The following HPSE2 variants were observed in gnomAD, a reference collection of about 807,000 sequenced individuals.
HPSE2 encodes heparanase 2 (inactive).
Under a neutral mutation model 60.5 loss-of-function variants are expected in HPSE2, and 38 were observed. The observed-to-expected ratio is 0.63, with a 90% CI of 0.48 to 0.82. The LOEUF (loss-of-function observed/expected upper bound fraction) is 0.82. Among genes scored for constraint, HPSE2 ranks in the 40% least tolerant of loss-of-function variants. The pLI, the probability that HPSE2 is intolerant of heterozygous loss-of-function variation, is 0.00. For missense variants in HPSE2, 713 were observed against 740.4 expected, an observed-to-expected ratio of 0.96 and a Z score of 0.43; for synonymous variants, 295 against 293.2, an observed-to-expected ratio of 1.01 and a Z score of -0.06.
At chr10:98,736,549 G>A (rs892688009) in intron 4 of HPSE2, among the ~76,000 whole-genome samples, 2 of 152,058 alleles carry the variant, frequency 1.3e-5, no homozygotes, top group African/African-American at 2.4e-5. Flanking sequence ...ATTAACTTAA[G>A]TGCTTAAAAA....
intron 3 of HPSE2, among the ~76,000 whole-genome samples, chr10:98,841,646 G>A (rs1951914804): frequency 6.6e-6 from 1 of 152,094 alleles, no homozygotes; most frequent in African/African-American, 2.4e-5. Context: ...AAAAGGGGCA[G>A]CAATCACTTC....
chr10:98,514,991 T>C (rs373003251), intron 9 of HPSE2, among the ~76,000 whole-genome samples: 3 of 152,256 alleles, frequency 2.0e-5, no homozygotes, highest in South Asian at 2.1e-4. Flanking sequence ...CCCAAAGTGC[T>C]GGGATTACAG....
the HPSE2 span, among the ~76,000 whole-genome samples, chr10:99,241,189 G>A: frequency 6.6e-6 from 1 of 152,318 alleles, no homozygotes; most frequent in Non-Finnish European, 1.5e-5. Context: ...CTAGGTTTGT[G>A]TTCTTAGTCA....
At chr10:98,589,338 C>G (rs1945023988) in intron 9 of HPSE2, among the ~76,000 whole-genome samples, 1 of 152,192 alleles carries the variant, frequency 6.6e-6, no homozygotes, top group Admixed American at 6.5e-5. Flanking sequence ...CCATGTCCCA[C>G]CTATCTGTGG....
At chr10:98,711,031 A>G (rs11189765) in intron 5 of HPSE2, among the ~76,000 whole-genome samples, 30,548 of 152,030 alleles carry the variant, frequency 0.2, 3,434 homozygotes, top group East Asian at 0.38. Flanking sequence ...ACATATAGGA[A>G]GACCAAATAG....
chr10:99,064,983 T>A (rs566404469), intron 3 of HPSE2, among the ~76,000 whole-genome samples: 1 of 152,280 alleles, frequency 6.6e-6, no homozygotes, highest in East Asian at 1.9e-4. Flanking sequence ...TAAAGCTTAT[T>A]ACAGACATTA....
At chr10:99,034,347 G>C (rs1377281393) in intron 3 of HPSE2, among the ~76,000 whole-genome samples, 1 of 152,124 alleles carries the variant, frequency 6.6e-6, no homozygotes, top group Non-Finnish European at 1.5e-5. Flanking sequence ...ATGGGTTGGA[G>C]TGAAGGAAAG....
At chr10:98,659,239 T>C (rs551880141) in intron 6 of HPSE2, among the ~76,000 whole-genome samples, 1 of 152,288 alleles carries the variant, frequency 6.6e-6, no homozygotes, top group South Asian at 2.1e-4. Flanking sequence ...AATCCACACA[T>C]AGTCAGGTCT....
chr10:98,697,706 T>A (rs1319849241), intron 5 of HPSE2, among the ~76,000 whole-genome samples: 1 of 151,930 alleles, frequency 6.6e-6, no homozygotes, highest in African/African-American at 2.4e-5. Flanking sequence ...CACGTAATGA[T>A]CAGATTCCTC....
intron 5 of HPSE2, among the ~76,000 whole-genome samples, chr10:98,696,539 A>G (rs2134177518): frequency 6.6e-6 from 1 of 152,284 alleles, no homozygotes; most frequent in African/African-American, 2.4e-5. Flanking sequence ...TTTCCATGGA[A>G]CTGTGTAAAC....
chr10:98,711,366 G>T lies in HPSE2; in HGVS notation c.956+10291C>A, dbSNP rs533544576. Among the ~76,000 whole-genome samples the T allele has an allele frequency of 8.0e-4, 122 of 152,264 alleles. 3 individuals are homozygous for T. The South Asian group carries it at 0.023, about 29-fold the overall frequency. Reference sequence around the variant, plus strand: ...CTCAAGCCCTGCTATAAACCTGACTGTAAGTGTGAACATTGAGGAACTGAG... The same window carrying T: ...CTCAAGCCCTGCTATAAACCTGACTTTAAGTGTGAACATTGAGGAACTGAG... On this transcript the variant is annotated intron_variant, in intron 5 of 11. Transcript: ENST00000370552.
chr10:98,599,948 G>A (rs1945351427), intron 9 of HPSE2, among the ~76,000 whole-genome samples: 1 of 152,150 alleles, frequency 6.6e-6, no homozygotes, highest in Non-Finnish European at 1.5e-5. Context: ...ATGTGTAGTG[G>A]TTAAAGTGAT....
chr10:98,632,480 A>G (rs1454809122), intron 7 of HPSE2, among the ~76,000 whole-genome samples: 3 of 152,208 alleles, frequency 2.0e-5, no homozygotes, highest in African/African-American at 7.2e-5. Flanking sequence ...ATGGAATGAC[A>G]ATGACTAAAA....
At chr10:99,245,741 T>A in the HPSE2 span, among the ~76,000 whole-genome samples, 7 of 152,350 alleles carry the variant, frequency 4.6e-5, no homozygotes, top group South Asian at 2.1e-4. Flanking sequence ...AAATTAAATA[T>A]GTATATTCCC....
chr10:99,000,239 G>C (rs1351915960), intron 3 of HPSE2, among the ~76,000 whole-genome samples: 1 of 152,022 alleles, frequency 6.6e-6, no homozygotes, highest in African/African-American at 2.4e-5. Flanking sequence ...TGATGATAGT[G>C]GGATCATTAA....
intron 3 of HPSE2, among the ~76,000 whole-genome samples, chr10:98,928,963 A>C (rs1206716503): frequency 7.2e-6 from 1 of 138,350 alleles, no homozygotes; most frequent in Non-Finnish European, 1.5e-5. Context: ...CATTGTGCAC[A>C]TGTACCCTAA....
intron 2 of HPSE2, among the ~76,000 whole-genome samples, chr10:99,164,165 A>C (rs1846960582): frequency 7.2e-6 from 1 of 139,380 alleles, no homozygotes; most frequent in African/African-American, 2.7e-5. Context: ...TACATTTATT[A>C]ATTGGAATTC....
intron 9 of HPSE2, among the ~76,000 whole-genome samples, chr10:98,551,937 G>A (rs185246011): frequency 2.3e-3 from 354 of 152,254 alleles, no homozygotes; most frequent in Non-Finnish European, 3.9e-3. Flanking sequence ...AACAGCCTAG[G>A]AATCTTTATC....
chr10:98,699,258 C>A (rs997165105), intron 5 of HPSE2, among the ~76,000 whole-genome samples: 1 of 151,998 alleles, frequency 6.6e-6, no homozygotes, highest in Non-Finnish European at 1.5e-5. Context: ...TACTGGCAAA[C>A]CGAATCCAGC....
Sources: allele counts gnomAD v4.1 joint callset (sites outside exome capture counted in the v4.1 genomes callset), GRCh38; gene constraint gnomAD v4.1.1; transcripts MANE v1.5; gene names NCBI Gene and HGNC (gene_info 2026-07-23, HGNC 2026-07-21).